The following TMEM109 variants were observed in gnomAD, a reference collection of about 807,000 sequenced individuals.
TMEM109 encodes voltage-gated monoatomic cation channel TMEM109.
In TMEM109, 19 loss-of-function variants were observed where a neutral mutation model predicts 26.4. The observed-to-expected ratio is 0.72, with a 90% CI of 0.50 to 1.06. The LOEUF (loss-of-function observed/expected upper bound fraction) is 1.06, where lower values mean the gene tolerates loss of function less well. Ranked by LOEUF, TMEM109 falls within the 50% of genes least tolerant of loss-of-function variation. The probability of loss-of-function intolerance (pLI) is 0.00; values close to 1 mark genes in which losing one functional copy is unlikely to be tolerated. For synonymous variants in TMEM109, 129 were observed against 142.0 expected (o/e 0.91, Z 0.65); for missense variants, 262 against 303.4 (o/e 0.86, Z 1.01).
In TMEM109 at chr11:60,920,870, C is replaced by T. The variant is rs773791018; in HGVS notation, c.238-16C>T. On this transcript the variant is annotated splice_polypyrimidine_tract_variant and intron_variant, in intron 2 of 3. Transcript: ENST00000227525. ...TGTTCATTATGAACTCATCTCGCTC[C>T]GTGCTCTTTCCACAGTCTTCGTCCC... The T allele has an allele frequency of 6.5e-5, 105 of 1,608,558 alleles. 1 individual carries two copies. In the South Asian group the frequency reaches 9.1e-4, roughly 14 times the overall value.
At position 60,922,257 on chromosome 11, in the gene TMEM109, T is replaced by A; in HGVS notation, c.*92T>A. 1 of 1,547,342 alleles carries A rather than the reference T, an allele frequency of 6.5e-7. No homozygotes were observed. Among genetic ancestry groups the A allele is most frequent in the Non-Finnish European group, 8.7e-7 (1 of 1,146,830 alleles). ...TCCTGCCAGCCCCCTGCCCTTTTCT[T>A]GCCCTGTCTCTGAACCTTCAGAACA... On this transcript the variant is annotated 3_prime_UTR_variant, in exon 4 of 4. Transcript: ENST00000227525.
In TMEM109 at chr11:60,921,941, G is replaced by A. The variant is rs1355434910; in HGVS notation, c.508G>A (p.Ala170Thr). ...GGGCCTGAAGCTTGTCATCTTCCTGGCCGGCTTCGTGGCCCTGATGAGGTC... is the reference window on the plus strand; with the variant it reads ...GGGCCTGAAGCTTGTCATCTTCCTGACCGGCTTCGTGGCCCTGATGAGGTC... ...LWGLKLVIFLAGFVALMRSVP... is the reference protein window; with the variant it reads ...LWGLKLVIFLTGFVALMRSVP... The change falls in exon 4 of 4, where the codon GCC (alanine) becomes ACC (threonine). Residue 170 changes from alanine (A) to threonine (T), a missense_variant. By Grantham distance (58) the Ala-to-Thr change is moderately conservative (BLOSUM62 0). Transcript: ENST00000227525. The A allele has an allele frequency of 1.2e-6, 2 of 1,614,066 alleles. No individual in the cohort carries two copies. Among genetic ancestry groups the A allele is most frequent in the Non-Finnish European group, 1.7e-6 (2 of 1,179,998 alleles).
intron 1 of TMEM109, among the ~76,000 whole-genome samples, chr11:60,918,163 C>A (rs773395026): frequency 6.6e-6 from 1 of 152,182 alleles, no homozygotes; most frequent in Non-Finnish European, 1.5e-5. Flanking sequence ...GTTAAATGAG[C>A]GCGGTGGTGC....
At position 60,922,591 on chromosome 11, in the gene TMEM109, C is replaced by T. The variant is rs1856259659; in HGVS notation, c.*426C>T. ...AGTTGCTCCTTGGCCAAATCTCCAG[C>T]TCCCTTCTTGTTTTCCTCATCCTCC... On this transcript the variant is annotated 3_prime_UTR_variant, in exon 4 of 4. Transcript: ENST00000227525. The T allele has an allele frequency of 5.4e-6, 2 of 370,090 alleles. No homozygotes were observed. Among genetic ancestry groups the T allele is most frequent in the Non-Finnish European group, 1.0e-5 (2 of 191,738 alleles). 22.9% of individuals were successfully genotyped at this position (370,090 alleles called of 1,614,324 possible).
At chr11:60,914,749 G>T (rs1396033216) in intron 1 of TMEM109, among the ~76,000 whole-genome samples, 1 of 152,246 alleles carries the variant, frequency 6.6e-6, no homozygotes, top group Non-Finnish European at 1.5e-5. Context: ...GGGAGGCTGC[G>T]CCCCGGTTAG....
chr11:60,922,082 C>T lies in TMEM109; in HGVS notation c.649C>T (p.Arg217Ter), dbSNP rs765795436. 96 of 1,613,134 alleles carry T rather than the reference C, an allele frequency of 6.0e-5. No homozygotes were observed. The highest frequency in any genetic ancestry group is 4.5e-4 in the Admixed American group (27 of 59,986). ...ASGAQLEAKV[R>*]GLERQVEELR... ...TGGGGCCCAACTCGAGGCCAAGGTG[C>T]GAGGGCTGGAACGCCAGGTGGAGGA... The change falls in exon 4 of 4, where the codon CGA becomes TGA. Residue 217 changes from arginine to a stop codon, truncating the protein, a stop_gained. Transcript: ENST00000227525. LOFTEE classifies it high-confidence loss of function.
chr11:60,914,567 C>T (rs1028117265), intron 1 of TMEM109, among the ~76,000 whole-genome samples: 9 of 152,242 alleles, frequency 5.9e-5, no homozygotes, highest in African/African-American at 1.9e-4. Flanking sequence ...GCGCCAAGCC[C>T]GAGCCCCCGA....
chr11:60,918,323 T>G (rs1320141977), intron 1 of TMEM109: 1 of 152,184 alleles, frequency 6.6e-6, no homozygotes, highest in African/African-American at 2.4e-5. Context: ...AGAAATTCAT[T>G]AGGGTCACAG....
chr11:60,916,371 G>A (rs1856175265), intron 1 of TMEM109, among the ~76,000 whole-genome samples: 1 of 152,156 alleles, frequency 6.6e-6, no homozygotes, highest in African/African-American at 2.4e-5. Flanking sequence ...GTATTATTAT[G>A]AGTTGTTAAT....
intron 2 of TMEM109, among the ~76,000 whole-genome samples, chr11:60,920,287 C>T (rs1055667288): frequency 6.6e-6 from 1 of 152,216 alleles, no homozygotes; most frequent in African/African-American, 2.4e-5. Flanking sequence ...TCCATTCCTT[C>T]ACCTGCAGAA....
chr11:60,921,105 T>G (rs1265199141), intron 3 of TMEM109, 117 bp downstream of exon 3: 17 of 894,080 alleles, frequency 1.9e-5, no homozygotes, highest in Non-Finnish European at 2.8e-5. Flanking sequence ...CTTCCCAGGA[T>G]TCTGCAGAGA....
intron 3 of TMEM109, among the ~76,000 whole-genome samples, chr11:60,921,359 G>A (rs1174161917): frequency 6.6e-6 from 1 of 152,146 alleles, no homozygotes; most frequent in Admixed American, 6.5e-5. Flanking sequence ...GGTAGAGGTT[G>A]CAGTGAGCCG....
At chr11:60,917,113 G>C (rs7113040) in intron 1 of TMEM109, among the ~76,000 whole-genome samples, 49,285 of 151,968 alleles carry the variant, frequency 0.32, 9,029 homozygotes, top group Middle Eastern at 0.4. Flanking sequence ...GACCCTCCAG[G>C]CTTCTGGAAG....
chr11:60,914,503 A>G (rs770914983), intron 1 of TMEM109, among the ~76,000 whole-genome samples: 2 of 152,084 alleles, frequency 1.3e-5, no homozygotes, highest in Non-Finnish European at 2.9e-5. Context: ...GGTTGCGGCG[A>G]GGTTCCGAGG....
At chr11:60,919,985 A>C in intron 2 of TMEM109, 55 bp downstream of exon 2, 9 of 1,488,414 alleles carry the variant, frequency 6.0e-6, no homozygotes, top group East Asian at 2.3e-5. Flanking sequence ...TAAAAGAAGA[A>C]AGGTTGGTAA....
At chr11:60,917,246 C>T (rs932962658) in intron 1 of TMEM109, among the ~76,000 whole-genome samples, 1 of 152,178 alleles carries the variant, frequency 6.6e-6, no homozygotes, top group African/African-American at 2.4e-5. Context: ...CTTCTCCATC[C>T]CTCATGGCTC....
chr11:60,921,692 C>T, intron 3 of TMEM109, 82 bp from the exon 4 acceptor site: 1 of 1,079,102 alleles, frequency 9.3e-7, no homozygotes, highest in Non-Finnish European at 1.4e-6. Flanking sequence ...TGCCTAGCAC[C>T]TCCCACCCTT....
At chr11:60,915,576 A>C (rs888334301) in intron 1 of TMEM109, among the ~76,000 whole-genome samples, 1 of 152,228 alleles carries the variant, frequency 6.6e-6, no homozygotes, top group African/African-American at 2.4e-5. Flanking sequence ...GGCAGTTCCG[A>C]TGGGCAGCCA....
rs115729546 is a variant in TMEM109, at chr11:60,914,699, C to T, written c.-9+431C>T. Among the ~76,000 whole-genome samples the T allele has an allele frequency of 3.9e-3, 600 of 152,368 alleles. 4 individuals are homozygous for T. Among genetic ancestry groups the T allele is most frequent in the African/African-American group, 0.013 (547 of 41,588 alleles). ...ACCCCTCAGCGCTTGGCAGGGGACGCGCCGTTCGAAATAGCACATGCCACT... is the reference window on the plus strand; with the variant it reads ...ACCCCTCAGCGCTTGGCAGGGGACGTGCCGTTCGAAATAGCACATGCCACT... On this transcript the variant is annotated intron_variant, in intron 1 of 3. Coordinates refer to ENST00000227525, the MANE Select transcript of TMEM109 (RefSeq NM_024092.3).
Sources: allele counts gnomAD v4.1 joint callset (sites outside exome capture counted in the v4.1 genomes callset), GRCh38; gene constraint gnomAD v4.1.1; transcripts MANE v1.5; gene names NCBI Gene and HGNC (gene_info 2026-07-23, HGNC 2026-07-21).